Variants in SLC4A8 observed in about 807,000 individuals in gnomAD.
The protein encoded by SLC4A8 is solute carrier family 4 member 8, also known as electroneutral sodium bicarbonate exchanger 1.
SLC4A8 carries 40 observed loss-of-function variants against 125.0 expected under a neutral mutation model. The ratio of observed to expected loss-of-function variants is 0.32; its 90% CI spans 0.25 to 0.42. The LOEUF is 0.42. Ranked by LOEUF, SLC4A8 falls within the 10% of genes least tolerant of loss-of-function variation. The probability of loss-of-function intolerance (pLI) is 1.00; values close to 1 mark genes in which losing one functional copy is unlikely to be tolerated. For synonymous variants in SLC4A8, 456 were observed against 476.0 expected (o/e 0.96, Z 0.55); for missense variants, 863 against 1,355.1 (o/e 0.64, Z 5.70).
At position 51,470,511 on chromosome 12, in the gene SLC4A8, G is replaced by A. The variant is rs143516392; in HGVS notation, c.1644G>A (p.Leu548=). The part of the protein sequence containing the change: ...TGPVLVFEKI[L]FKFCKDYALS... ...CAGTGCTTGTGTTTGAAAAGATTTT[G>A]TTCAAATTCTGCAAGTAAGACATTT... Residue 548 remains leucine (L), a synonymous_variant, in exon 13 of 25, where the codon TTG becomes TTA. Coordinates refer to ENST00000453097, the MANE Select transcript of SLC4A8 (RefSeq NM_001039960.3). 8.1e-6 allele frequency: 13 copies of A among 1,613,300 alleles called. No homozygotes were observed. Among genetic ancestry groups the A allele is most frequent in the Non-Finnish European group, 1.0e-5 (12 of 1,179,588 alleles).
Position 51,507,519 on chromosome 12 carries a change from A to C in SLC4A8, c.*81A>C. 2 of 1,051,282 alleles carry C rather than the reference A, an allele frequency of 1.9e-6. No homozygotes were observed. Among genetic ancestry groups the C allele is most frequent in the Non-Finnish European group, 2.6e-6 (2 of 773,970 alleles). The allele number at this position is 1,051,282 out of a possible 1,614,324, so 65.1% of individuals were successfully genotyped here. A position where few individuals can be genotyped will look rare whatever the true frequency, so the allele number is the denominator to read the frequency against. The stretch of plus-strand genomic sequence containing the variant: ...TTACAGAGAAAATGGCGAGTCTCTC[A>C]GAGAAGAAGCAAGACCAAGTCTGGC... On this transcript the variant is annotated 3_prime_UTR_variant, in exon 25 of 25. Transcript: ENST00000453097.
upstream of SLC4A8, among the ~76,000 whole-genome samples, chr12:51,424,051 AAACAAAAAAAAC>A (rs1948868993): frequency 4.5e-5 from 2 of 44,020 alleles, no homozygotes; most frequent in Non-Finnish European, 1.0e-4. Context: ...AAAAAAAAAA[AAACAAAAAAAAC>A]AACAAAAAAA....
At position 51,476,947 on chromosome 12, in the gene SLC4A8, C is replaced by T. The variant is rs574231579; in HGVS notation, c.2172+1741C>T. 2.1e-5 allele frequency among the ~76,000 whole-genome samples: 3 copies of T among 140,154 alleles called. No individual in the cohort carries two copies. The East Asian group carries it at 6.4e-4, about 30-fold the overall frequency. 91.9% of individuals were successfully genotyped at this position (140,154 alleles called of 152,430 possible). ...TTCTGAGATGGAGTCTTGCTATGTT[C>T]CCCAGGCTGGAGTGCGATGGTACAA... On this transcript the variant is annotated intron_variant, in intron 16 of 24. Coordinates refer to ENST00000453097, the MANE Select transcript of SLC4A8 (RefSeq NM_001039960.3).
chr12:51,513,337 C>T lies in SLC4A8; in HGVS notation c.*5899C>T, dbSNP rs948805914. 6.6e-6 allele frequency: 1 copy of T among 152,256 alleles called. No individual in the cohort carries two copies. The highest frequency in any genetic ancestry group is 2.1e-4 in the South Asian group (1 of 4,836). The allele number at this position is 152,256 out of a possible 1,614,324, so 9.4% of individuals were successfully genotyped here. A position where few individuals can be genotyped will look rare whatever the true frequency, so the allele number is the denominator to read the frequency against. ...TTCCACATACAGCTCCTGTCCCCAT[C>T]TCTTTATGTGTAGAGACCTGGATTT... On this transcript the variant is annotated 3_prime_UTR_variant, in exon 25 of 25. Coordinates refer to ENST00000453097, the MANE Select transcript of SLC4A8 (RefSeq NM_001039960.3).
In SLC4A8 at chr12:51,461,267, C is replaced by A. The variant is rs780631534; in HGVS notation, c.1077C>A (p.Ser359=). Residue 359 remains serine, a synonymous_variant, in exon 9 of 25, where the codon TCC becomes TCA. Coordinates refer to ENST00000453097, the MANE Select transcript of SLC4A8 (RefSeq NM_001039960.3). ...KGQQYHEIGR[S]MATIMTDEIF... ...AGCAGTACCATGAGATTGGCAGATCCATGGCCACCATCATGACAGATGAGG... is the reference window on the plus strand; with the variant it reads ...AGCAGTACCATGAGATTGGCAGATCAATGGCCACCATCATGACAGATGAGG... 2.5e-6 allele frequency: 4 copies of A among 1,609,058 alleles called. No individual in the cohort carries two copies. The South Asian group carries it at 4.4e-5, about 18-fold the overall frequency.
At chr12:51,440,940 AATAAAAGTGGGG>A (rs1949575235) in intron 2 of SLC4A8, 151 bp downstream of exon 2, 1 of 945,324 alleles carries the variant, frequency 1.1e-6, no homozygotes, top group East Asian at 3.0e-5. Flanking sequence ...TCATCTGGTA[AATAAAAGTGGGG>A]ATACTAATAC....
rs371346897 is a variant in SLC4A8, at chr12:51,489,939, G to A, written c.2688G>A (p.Thr896=). ...FVLMGCSVFM[T]AILKFIPMPV... ...TGATGGGCTGCTCAGTCTTCATGAC[G>A]GCTATCTTAAAGGTAATCATCCTTT... Residue 896 remains threonine (T), a synonymous_variant, in exon 19 of 25, where the codon ACG becomes ACA. Coordinates refer to ENST00000453097, the MANE Select transcript of SLC4A8 (RefSeq NM_001039960.3). 77 of 1,614,016 alleles carry A rather than the reference G, an allele frequency of 4.8e-5. No individual in the cohort carries two copies. Among genetic ancestry groups the A allele is most frequent in the Non-Finnish European group, 6.3e-5 (74 of 1,180,018 alleles).
chr12:51,468,731 AC>A (rs1331302642), intron 11 of SLC4A8, among the ~76,000 whole-genome samples: 1 of 152,214 alleles, frequency 6.6e-6, no homozygotes, highest in African/African-American at 2.4e-5. Context: ...CTGCACTCCA[AC>A]CTGGGCAACA....
At chr12:51,498,287 C>A (rs1269988760) in intron 22 of SLC4A8, among the ~76,000 whole-genome samples, 2 of 151,780 alleles carry the variant, frequency 1.3e-5, no homozygotes, top group African/African-American at 2.4e-5. Context: ...TCAAATAATT[C>A]TTATAAATTA....
intron 8 of SLC4A8, among the ~76,000 whole-genome samples, chr12:51,460,720 G>A (rs558204955): frequency 2.0e-4 from 30 of 152,292 alleles, no homozygotes; most frequent in African/African-American, 5.8e-4. Flanking sequence ...CTATTCATGC[G>A]CTCTGAAGGT....
Position 51,493,691 on chromosome 12 carries a change from CT to C in SLC4A8, c.2701-9del. ...AATTTAATTTCTGGCCTTTCTTGTC[CT>C]TTTGTCTTCAGTTTATTCCAATGCC... On this transcript the variant is annotated splice_polypyrimidine_tract_variant and intron_variant, in intron 19 of 24. Coordinates refer to ENST00000453097, the MANE Select transcript of SLC4A8 (RefSeq NM_001039960.3). 6.3e-7 allele frequency: 1 copy of C among 1,586,848 alleles called. No individual in the cohort carries two copies.
At chr12:51,479,221 G>T (rs1382824082) in intron 16 of SLC4A8, among the ~76,000 whole-genome samples, 1 of 152,154 alleles carries the variant, frequency 6.6e-6, no homozygotes, top group Non-Finnish European at 1.5e-5. Flanking sequence ...AGCCCACTTT[G>T]TTACTGAAGT....
intron 1 of SLC4A8, among the ~76,000 whole-genome samples, chr12:51,405,589 T>C (rs180899245): frequency 1.5e-4 from 23 of 152,296 alleles, no homozygotes; most frequent in African/African-American, 5.3e-4. Flanking sequence ...AGAGACAGGG[T>C]CTTGCTATGT....
At chr12:51,447,835 G>T (rs1257576632) in intron 2 of SLC4A8, among the ~76,000 whole-genome samples, 1 of 150,980 alleles carries the variant, frequency 6.6e-6, no homozygotes, top group Non-Finnish European at 1.5e-5. Context: ...TCCTGCCTCA[G>T]CCTCCTAAGT....
intron 16 of SLC4A8, among the ~76,000 whole-genome samples, chr12:51,481,249 C>G (rs1690097809): frequency 6.6e-6 from 1 of 152,020 alleles, no homozygotes; most frequent in Non-Finnish European, 1.5e-5. Flanking sequence ...ATTTCTGTTC[C>G]ATTTGTCTTT....
intron 1 of SLC4A8, among the ~76,000 whole-genome samples, chr12:51,399,625 A>T (rs1026389887): frequency 2.6e-5 from 4 of 152,222 alleles, no homozygotes; most frequent in Non-Finnish European, 4.4e-5. Flanking sequence ...AAGTGAAAAC[A>T]GTTTTGGAGT....
intron 5 of SLC4A8, among the ~76,000 whole-genome samples, chr12:51,456,607 G>A (rs1950157938): frequency 6.6e-6 from 1 of 152,166 alleles, no homozygotes; most frequent in South Asian, 2.1e-4. Flanking sequence ...CCATGTTACA[G>A]ATGAAGAACT....
intron 12 of SLC4A8, among the ~76,000 whole-genome samples, chr12:51,469,998 G>A (rs2138295255): frequency 6.6e-6 from 1 of 152,258 alleles, no homozygotes; most frequent in South Asian, 2.1e-4. Context: ...AGCTTCAGTA[G>A]CTGGTTGCCC....
chr12:51,484,029 G>A (rs1951100274), intron 16 of SLC4A8, among the ~76,000 whole-genome samples: 1 of 152,052 alleles, frequency 6.6e-6, no homozygotes, highest in Non-Finnish European at 1.5e-5. Context: ...CAGAATGATG[G>A]TTTCCAGCTT....
Sources: allele counts gnomAD v4.1 joint callset (sites outside exome capture counted in the v4.1 genomes callset), GRCh38; gene constraint gnomAD v4.1.1; transcripts MANE v1.5; gene names NCBI Gene and HGNC (gene_info 2026-07-23, HGNC 2026-07-21).